Variants in ASIC2 observed in about 807,000 individuals in gnomAD.
The protein encoded by ASIC2 is acid-sensing ion channel 2.
A neutral mutation model predicts 57.3 loss-of-function variants in ASIC2; 25 were observed. The observed-to-expected ratio is 0.44, with a 90% CI of 0.32 to 0.61. The LOEUF (loss-of-function observed/expected upper bound fraction) is 0.61, where lower values mean the gene tolerates loss of function less well. ASIC2 is among the 20% of genes least tolerant of loss of function. ASIC2 has a pLI of 0.06. For synonymous variants in ASIC2, 319 were observed against 307.5 expected, an observed-to-expected ratio of 1.04 and a Z score of -0.39; for missense variants, 641 against 738.1, an observed-to-expected ratio of 0.87 and a Z score of 1.52.
chr17:33,373,464 TC>T (rs1909161381), intron 1 of ASIC2, among the ~76,000 whole-genome samples: 1 of 152,172 alleles, frequency 6.6e-6, no homozygotes, highest in South Asian at 2.1e-4. Flanking sequence ...CTAACAGTAT[TC>T]CCCTCCCTGT....
chr17:33,710,633 G>C (rs1011956396), intron 1 of ASIC2, among the ~76,000 whole-genome samples: 3 of 152,270 alleles, frequency 2.0e-5, no homozygotes, highest in Admixed American at 2.0e-4. Context: ...TTTTAATAGG[G>C]AATGGTAAAA....
chr17:33,092,260 G>T (rs902124671), intron 2 of ASIC2, among the ~76,000 whole-genome samples: 2 of 152,194 alleles, frequency 1.3e-5, no homozygotes, highest in Admixed American at 1.3e-4. Context: ...TACCAGAATT[G>T]CCCTTGGCTT....
chr17:33,201,102 TCTC>T (rs937120283), intron 1 of ASIC2, among the ~76,000 whole-genome samples: 20 of 152,096 alleles, frequency 1.3e-4, no homozygotes, highest in African/African-American at 4.8e-4. Flanking sequence ...CATATTCCCT[TCTC>T]CTGATTTATT....
intron 1 of ASIC2, among the ~76,000 whole-genome samples, chr17:33,918,249 T>C (rs950668645): frequency 2.0e-5 from 3 of 152,190 alleles, no homozygotes; most frequent in Non-Finnish European, 4.4e-5. Context: ...GTTAATGTAA[T>C]CTTTTTCTCC....
chr17:33,531,360 G>A (rs17836848), intron 1 of ASIC2, among the ~76,000 whole-genome samples: 3 of 152,074 alleles, frequency 2.0e-5, no homozygotes, highest in Admixed American at 6.6e-5. Context: ...TATCTGTACC[G>A]ACCTGACATC....
chr17:33,752,958 A>G (rs1161767417), intron 1 of ASIC2, among the ~76,000 whole-genome samples: 1 of 152,232 alleles, frequency 6.6e-6, no homozygotes, highest in Non-Finnish European at 1.5e-5. Flanking sequence ...GTATTTCCCC[A>G]AACAAGTTAA....
At chr17:33,213,806 C>T (rs188265033) in intron 1 of ASIC2, among the ~76,000 whole-genome samples, 4 of 152,218 alleles carry the variant, frequency 2.6e-5, no homozygotes, top group Non-Finnish European at 4.4e-5. Flanking sequence ...AGAAGGTTGA[C>T]GCAAGGTTTA....
At chr17:33,880,592 C>A (rs899393393) in intron 1 of ASIC2, among the ~76,000 whole-genome samples, 15 of 152,100 alleles carry the variant, frequency 9.9e-5, no homozygotes, top group South Asian at 2.1e-4. Flanking sequence ...CAATAACAGG[C>A]TCTGAAATTG....
chr17:33,783,613 C>T (rs924945982), intron 1 of ASIC2, among the ~76,000 whole-genome samples: 2 of 152,208 alleles, frequency 1.3e-5, no homozygotes, highest in Non-Finnish European at 2.9e-5. Context: ...TCTGGGCCAC[C>T]CATCCCTACC....
chr17:33,201,229 G>A (rs1019699302), intron 1 of ASIC2, among the ~76,000 whole-genome samples: 1 of 152,124 alleles, frequency 6.6e-6, no homozygotes, highest in Non-Finnish European at 1.5e-5. Context: ...TAAGTTCTGT[G>A]TCCTCTGTTC....
chr17:33,882,738 A>C (rs1277691262), intron 1 of ASIC2, among the ~76,000 whole-genome samples: 4 of 152,180 alleles, frequency 2.6e-5, no homozygotes, highest in Admixed American at 2.6e-4. Context: ...ATACCATTTG[A>C]CCCAGCCATC....
intron 1 of ASIC2, among the ~76,000 whole-genome samples, chr17:33,864,198 C>T (rs867436878): frequency 3.3e-5 from 5 of 152,120 alleles, no homozygotes; most frequent in South Asian, 2.1e-4. Context: ...TGAGCCACCC[C>T]GCCTGGCCAG....
intron 1 of ASIC2, among the ~76,000 whole-genome samples, chr17:33,752,558 A>G (rs555072834): frequency 2.6e-5 from 4 of 152,390 alleles, no homozygotes; most frequent in Non-Finnish European, 5.9e-5. Context: ...CAATGATCTT[A>G]ACAGACATCT....
intron 3 of ASIC2, among the ~76,000 whole-genome samples, chr17:33,085,298 A>G (rs2092130321): frequency 6.6e-6 from 1 of 152,244 alleles, no homozygotes; most frequent in African/African-American, 2.4e-5. Context: ...CCATGATTTT[A>G]TGTATCACCA....
chr17:34,061,032 T>G (rs1008637924), intron 1 of ASIC2, among the ~76,000 whole-genome samples: 28 of 152,306 alleles, frequency 1.8e-4, no homozygotes, highest in Middle Eastern at 3.4e-3. Context: ...GATCTTCGCC[T>G]AGGCACATTG....
At position 33,291,460 on chromosome 17, in the gene ASIC2, A is replaced by T. The variant is rs1192290595; in HGVS notation, c.656T>A (p.Leu219Gln). The change falls in exon 1 of 10, where the codon CTG becomes CAG. Residue 219 changes from leucine to glutamine, a missense_variant. Physicochemically the swap from Leu to Gln is moderately radical, Grantham distance 113 (BLOSUM62 -2). Around this residue, in one of 3 missense-constraint regions of ASIC2, gnomAD observed 382 missense variants for 398.0 expected, o/e 0.96. Transcript: ENST00000225823. ...CTCGCCGCGGTACTTGCAGGAGAGC[A>T]GCATGTCCTCCAGCTGGTGGCCCAG... The part of the protein sequence containing the change: ...DRLGHQLEDM[L>Q]LSCKYRGELC... 1 of 1,611,940 alleles carries T rather than the reference A, an allele frequency of 6.2e-7. No individual in the cohort carries two copies. The highest frequency in any genetic ancestry group is 8.5e-7 in the Non-Finnish European group (1 of 1,179,474).
At chr17:33,381,543 T>C (rs1352577633) in intron 1 of ASIC2, among the ~76,000 whole-genome samples, 1 of 152,108 alleles carries the variant, frequency 6.6e-6, no homozygotes, top group African/African-American at 2.4e-5. Context: ...TAGTTCCAAC[T>C]CAACTCTGCT....
intron 1 of ASIC2, among the ~76,000 whole-genome samples, chr17:34,128,423 T>C (rs1911852797): frequency 6.6e-6 from 1 of 152,140 alleles, no homozygotes. Flanking sequence ...GTGCCTGCCT[T>C]GGGCCACCCG....
chr17:33,530,597 A>G (rs777804316), intron 1 of ASIC2, among the ~76,000 whole-genome samples: 13 of 152,320 alleles, frequency 8.5e-5, no homozygotes, highest in South Asian at 4.1e-4. Flanking sequence ...AGATGGGAGC[A>G]TGAGGCCTTT....
Sources: allele counts gnomAD v4.1 joint callset (sites outside exome capture counted in the v4.1 genomes callset), GRCh38; gene constraint gnomAD v4.1.1; regional missense constraint gnomAD v4.1.1; transcripts MANE v1.5; gene names NCBI Gene and HGNC (gene_info 2026-07-23, HGNC 2026-07-21).